The following GPD1L variants were observed in gnomAD, a reference collection of about 807,000 sequenced individuals.
GPD1L encodes the protein glycerol-3-phosphate dehydrogenase 1 like.
GPD1L carries 17 observed loss-of-function variants against 32.9 expected under a neutral mutation model. The ratio of observed to expected loss-of-function variants is 0.52; its 90% CI spans 0.35 to 0.78. The LOEUF is 0.78. GPD1L is among the 30% of genes least tolerant of loss of function. GPD1L has a pLI of 0.01. For missense variants in GPD1L, 361 were observed against 447.8 expected (o/e 0.81, Z 1.75); for synonymous variants, 187 against 165.9 (o/e 1.13, Z -0.98).
At chr3:32,148,163 G>C (rs558629414) in intron 5 of GPD1L, among the ~76,000 whole-genome samples, 1 of 152,306 alleles carries the variant, frequency 6.6e-6, no homozygotes, top group South Asian at 2.1e-4. Context: ...CTCAGTGCTG[G>C]CCTGAGCTGC....
chr3:32,152,712 G>A (rs2125494322), intron 5 of GPD1L, among the ~76,000 whole-genome samples: 1 of 152,250 alleles, frequency 6.6e-6, no homozygotes, highest in African/African-American at 2.4e-5. Context: ...GGGTTTTGGA[G>A]AGGACAAACA....
intron 7 of GPD1L, 143 bp downstream of exon 7, chr3:32,159,817 G>A (rs1009506995): frequency 7.2e-6 from 5 of 695,304 alleles, no homozygotes; most frequent in African/African-American, 7.0e-5. Flanking sequence ...TGTGTGATGT[G>A]AACGTCTGTG....
At chr3:32,139,684 A>G (rs948786874) in intron 3 of GPD1L, among the ~76,000 whole-genome samples, 9 of 152,240 alleles carry the variant, frequency 5.9e-5, no homozygotes, top group Admixed American at 1.3e-4. Context: ...GCAAGAGAGT[A>G]GACAAATGAA....
intron 1 of GPD1L, among the ~76,000 whole-genome samples, chr3:32,122,769 T>G (rs541623564): frequency 6.6e-6 from 1 of 152,340 alleles, no homozygotes; most frequent in East Asian, 1.9e-4. Context: ...CTGAGTCTCA[T>G]GCATCTTAAT....
At chr3:32,128,285 C>T (rs750521758) in intron 2 of GPD1L, 32 bp downstream of exon 2, 1 of 1,573,984 alleles carries the variant, frequency 6.4e-7, no homozygotes, top group Non-Finnish European at 8.7e-7. Flanking sequence ...TACATTGGTT[C>T]ATTCTGCAAG....
intron 4 of GPD1L, 106 bp downstream of exon 4, chr3:32,140,472 T>C (rs1700727850): frequency 1.5e-6 from 2 of 1,308,970 alleles, no homozygotes; most frequent in Non-Finnish European, 2.2e-6. Flanking sequence ...CCTGTCCCTC[T>C]TAACATTCCT....
rs1701026523 is a variant in GPD1L at position 32,158,572 on chromosome 3, A to C, written c.619-304A>C. 3 of 530,424 alleles carry C rather than the reference A, an allele frequency of 5.7e-6. No homozygotes were observed. The Admixed American group carries it at 9.6e-5, about 17-fold the overall frequency. The allele number at this position is 530,424 out of a possible 1,614,324, so 32.9% of individuals were successfully genotyped here. A position where few individuals can be genotyped will look rare whatever the true frequency, so the allele number is the denominator to read the frequency against. On this transcript the variant is annotated intron_variant, in intron 5 of 7. Transcript: ENST00000282541. ...TTTAAAACAAAACAAAAAGTAAAGT[A>C]GTTTGTCCAAACATTATTTAACCAA...
At chr3:32,124,699 G>A (rs553242098) in intron 1 of GPD1L, among the ~76,000 whole-genome samples, 191 of 152,200 alleles carry the variant, frequency 1.3e-3, no homozygotes, top group Non-Finnish European at 2.2e-3. Context: ...GCCAAGGTGG[G>A]AGGATCGTTT....
At position 32,128,060 on chromosome 3, in the gene GPD1L, A is replaced by G; in HGVS notation, c.48-16A>G. The G allele has an allele frequency of 1.3e-6, 2 of 1,591,704 alleles. 1 individual carries two copies. The highest frequency in any genetic ancestry group is 2.2e-5 in the South Asian group (2 of 90,510). ...AAGTGAGTTTATGTTTTTCTTTTCC[A>G]CGATTTCTTTTGTAGGGGTTCAGCT... On this transcript the variant is annotated splice_polypyrimidine_tract_variant and intron_variant, in intron 1 of 7. Coordinates refer to ENST00000282541, the MANE Select transcript of GPD1L (RefSeq NM_015141.4).
intron 1 of GPD1L, among the ~76,000 whole-genome samples, chr3:32,113,480 G>A (rs942153496): frequency 2.0e-5 from 3 of 152,060 alleles, no homozygotes; most frequent in Non-Finnish European, 4.4e-5. Context: ...AGTAGTTTCT[G>A]GGATCCTCAC....
At chr3:32,119,528 T>G (rs1297581337) in intron 1 of GPD1L, among the ~76,000 whole-genome samples, 1 of 152,232 alleles carries the variant, frequency 6.6e-6, no homozygotes, top group Non-Finnish European at 1.5e-5. Context: ...GATTTTAAGC[T>G]TAGAAAGCTT....
At chr3:32,110,532 A>G (rs1187994308) in intron 1 of GPD1L, among the ~76,000 whole-genome samples, 1 of 152,248 alleles carries the variant, frequency 6.6e-6, no homozygotes, top group Non-Finnish European at 1.5e-5. Flanking sequence ...GTCAATTGTC[A>G]TCAGTTGCAA....
intron 2 of GPD1L, among the ~76,000 whole-genome samples, chr3:32,129,938 CCT>C (rs1469486638): frequency 6.6e-6 from 1 of 152,084 alleles, no homozygotes; most frequent in African/African-American, 2.4e-5. Context: ...TTGTTACATT[CCT>C]CCCACCCTGC....
At chr3:32,154,421 C>T (rs904041103) in intron 5 of GPD1L, among the ~76,000 whole-genome samples, 1 of 152,166 alleles carries the variant, frequency 6.6e-6, no homozygotes, top group Non-Finnish European at 1.5e-5. Context: ...CCATACAGTC[C>T]TGCTTGGATG....
intron 1 of GPD1L, among the ~76,000 whole-genome samples, chr3:32,109,206 C>G (rs959285458): frequency 7.2e-5 from 11 of 152,218 alleles, no homozygotes; most frequent in Non-Finnish European, 1.3e-4. Context: ...CCCCTGTTGG[C>G]CATGCCACTT....
intron 5 of GPD1L, chr3:32,151,086 T>C (rs1306771966): frequency 5.0e-6 from 2 of 400,708 alleles, no homozygotes; most frequent in East Asian, 1.3e-4. Context: ...ACACCTATTA[T>C]GCATGAATTC....
chr3:32,146,690 G>A lies in GPD1L; in HGVS notation c.574G>A (p.Val192Met), dbSNP rs1196782062. 4.3e-6 allele frequency: 7 copies of A among 1,613,312 alleles called. No homozygotes were observed. Among genetic ancestry groups the A allele is most frequent in the African/African-American group, 2.7e-5 (2 of 74,872 alleles). ...LLQTPNFRIT[V>M]VDDADTVELC... Reference sequence around the variant, plus strand: ...GCAGACTCCAAATTTTCGAATTACCGTGGTTGATGATGCAGACACTGTTGA... The same window carrying A: ...GCAGACTCCAAATTTTCGAATTACCATGGTTGATGATGCAGACACTGTTGA... The change falls in exon 5 of 8, where the codon GTG becomes ATG. Residue 192 changes from valine (V) to methionine (M), a missense_variant. Val to Met is a conservative substitution (Grantham distance 21, BLOSUM62 1). Coordinates refer to ENST00000282541, the MANE Select transcript of GPD1L (RefSeq NM_015141.4).
intron 1 of GPD1L, among the ~76,000 whole-genome samples, chr3:32,114,907 T>A (rs1192124830): frequency 6.6e-6 from 1 of 152,176 alleles, no homozygotes; most frequent in African/African-American, 2.4e-5. Context: ...GGGTTTGTGG[T>A]CTCGCTTACT....
At position 32,135,237 on chromosome 3, in the gene GPD1L, C is replaced by T. The variant is rs2084740; in HGVS notation, c.226-3350C>T. 0.024 allele frequency among the ~76,000 whole-genome samples: 3,605 copies of T among 152,204 alleles called. 297 individuals carry two copies. The East Asian group carries it at 0.25, about 11-fold the overall frequency. ...GAATAGGTTTTAATTAAAAGTCAGG[C>T]GGCCAGGCTCCATATGAACCAGGGA... is the stretch of plus-strand genomic sequence containing the variant. On this transcript the variant is annotated intron_variant, in intron 2 of 7. Coordinates refer to ENST00000282541, the MANE Select transcript of GPD1L (RefSeq NM_015141.4).
Sources: allele counts gnomAD v4.1 joint callset (sites outside exome capture counted in the v4.1 genomes callset), GRCh38; gene constraint gnomAD v4.1.1; transcripts MANE v1.5; gene names NCBI Gene and HGNC (gene_info 2026-07-23, HGNC 2026-07-21).